Variants in SWAP70 observed in about 807,000 individuals in gnomAD.
SWAP70 encodes switching B cell complex subunit SWAP70, also known as switch-associated protein 70.
SWAP70 carries 34 observed loss-of-function variants against 80.2 expected under a neutral mutation model. That is an observed-to-expected ratio of 0.42 (90% CI 0.32 to 0.56). The LOEUF is 0.56. SWAP70 is among the 20% of genes least tolerant of loss of function. The pLI is 0.09. For synonymous variants in SWAP70, 239 were observed against 238.5 expected, an observed-to-expected ratio of 1.00 and a Z score of -0.02; for missense variants, 578 against 690.7, an observed-to-expected ratio of 0.84 and a Z score of 1.83.
intron 3 of SWAP70, among the ~76,000 whole-genome samples, chr11:9,716,496 C>T (rs1851067719): frequency 6.6e-6 from 1 of 152,190 alleles, no homozygotes; most frequent in Non-Finnish European, 1.5e-5. Flanking sequence ...TGACAAATTA[C>T]TCACTCTCTC....
chr11:9,738,921 A>G (rs360154), intron 8 of SWAP70, among the ~76,000 whole-genome samples: 2,100 of 152,268 alleles, frequency 0.014, 38 homozygotes, highest in African/African-American at 0.047. Context: ...TAGGGTGACT[A>G]TATTTCCTGG....
rs1851524347 is a variant in SWAP70 at position 9,747,301 on chromosome 11, G to A, written c.1356-557G>A. On this transcript the variant is annotated intron_variant, in intron 9 of 11. Transcript: ENST00000318950. ...TTAGCAATAATGGAGGCAAGGGCCT[G>A]GCATGTAGCAATTGTTCAATAAATA... Among the ~76,000 whole-genome samples, 4 of 152,328 alleles carry A rather than the reference G, an allele frequency of 2.6e-5. No homozygotes were observed. In the South Asian group the frequency reaches 8.3e-4, roughly 32 times the overall value.
chr11:9,725,566 TATA>T (rs1343418391), intron 4 of SWAP70, among the ~76,000 whole-genome samples: 161 of 14,384 alleles, frequency 0.011, 1 homozygote, highest in South Asian at 0.024. Context: ...TATATATATA[TATA>T]TTTTTTTTTT....
intron 2 of SWAP70, among the ~76,000 whole-genome samples, chr11:9,711,696 T>G (rs903020869): frequency 2.6e-5 from 4 of 152,212 alleles, no homozygotes; most frequent in Admixed American, 1.3e-4. Flanking sequence ...TTCACCAGAC[T>G]GTTCCCGTGA....
At chr11:9,684,144 C>T (rs572642448) in intron 1 of SWAP70, among the ~76,000 whole-genome samples, 2 of 152,180 alleles carry the variant, frequency 1.3e-5, no homozygotes, top group South Asian at 4.1e-4. Context: ...TGCAGTGGTG[C>T]TGTTATGGCT....
At chr11:9,748,189 A>G (rs145343015) in intron 10 of SWAP70, 133 bp downstream of exon 10, 9,791 of 938,018 alleles carry the variant, frequency 0.01, 81 homozygotes, top group Middle Eastern at 0.017. Flanking sequence ...AAGAAAAAAG[A>G]GGGAGTTTTT....
chr11:9,708,594 T>G (rs10840291), intron 2 of SWAP70, among the ~76,000 whole-genome samples: 50,388 of 152,056 alleles, frequency 0.33, 8,606 homozygotes, highest in Non-Finnish European at 0.36. Context: ...TGAAGCCCTT[T>G]GTGATTTGGT....
chr11:9,721,862 A>G (rs1851142562), intron 3 of SWAP70, among the ~76,000 whole-genome samples: 1 of 152,124 alleles, frequency 6.6e-6, no homozygotes, highest in African/African-American at 2.4e-5. Flanking sequence ...GTTATTTTAC[A>G]AAAAACATTA....
chr11:9,724,916 A>C, intron 4 of SWAP70, 31 bp downstream of exon 4: 3 of 1,374,726 alleles, frequency 2.2e-6, no homozygotes, highest in Non-Finnish European at 3.1e-6. Context: ...TTTTTTTCTC[A>C]TCTTTAGAAT....
chr11:9,694,659 A>G (rs1590020906), intron 2 of SWAP70, among the ~76,000 whole-genome samples: 1 of 152,350 alleles, frequency 6.6e-6, no homozygotes, highest in East Asian at 1.9e-4. Flanking sequence ...AAGGATATGA[A>G]CAGACACTTC....
intron 1 of SWAP70, among the ~76,000 whole-genome samples, chr11:9,674,989 A>T (rs1041673338): frequency 2.7e-5 from 4 of 150,528 alleles, no homozygotes; most frequent in Admixed American, 6.6e-5. Flanking sequence ...AAAAAATTTT[A>T]AATTTAAAAA....
chr11:9,693,412 A>G (rs1474688234), intron 1 of SWAP70, among the ~76,000 whole-genome samples: 1 of 152,248 alleles, frequency 6.6e-6, no homozygotes, highest in Non-Finnish European at 1.5e-5. Context: ...ATATGTATTT[A>G]TGCTATGGAA....
chr11:9,705,219 GTA>G (rs1283168183), intron 2 of SWAP70, among the ~76,000 whole-genome samples: 6 of 140,808 alleles, frequency 4.3e-5, no homozygotes, highest in South Asian at 2.3e-4. Flanking sequence ...CTGGTGATCT[GTA>G]TGCACTGGTG....
chr11:9,714,362 A>G (rs1157843788), intron 3 of SWAP70, among the ~76,000 whole-genome samples: 3 of 152,256 alleles, frequency 2.0e-5, no homozygotes, highest in Non-Finnish European at 2.9e-5. Flanking sequence ...AATAAAGCCA[A>G]TTACAATGTT....
intron 5 of SWAP70, among the ~76,000 whole-genome samples, chr11:9,729,107 A>G (rs1468514416): frequency 6.6e-6 from 1 of 152,180 alleles, no homozygotes; most frequent in Non-Finnish European, 1.5e-5. Context: ...AGGAAATCCC[A>G]ATGCATGGCA....
chr11:9,745,317 C>T lies in SWAP70; in HGVS notation c.1356-2541C>T, dbSNP rs368869484. ...AGAGTAATGCCTAGCATTTGGGAGTCACTCCGAGTGTGTTGCTTTCTGTTC... is the reference window on the plus strand; with the variant it reads ...AGAGTAATGCCTAGCATTTGGGAGTTACTCCGAGTGTGTTGCTTTCTGTTC... On this transcript the variant is annotated intron_variant, in intron 9 of 11. Coordinates refer to ENST00000318950, the MANE Select transcript of SWAP70 (RefSeq NM_015055.4). Among the ~76,000 whole-genome samples, 44 of 152,276 alleles carry T rather than the reference C, an allele frequency of 2.9e-4. No homozygotes were observed. The South Asian group carries it at 9.1e-3, about 32-fold the overall frequency.
At chr11:9,704,187 A>G (rs182446559) in intron 2 of SWAP70, among the ~76,000 whole-genome samples, 1 of 152,174 alleles carries the variant, frequency 6.6e-6, no homozygotes, top group East Asian at 1.9e-4. Context: ...TACTGTCTAT[A>G]TAGAGAGAGA....
intron 3 of SWAP70, among the ~76,000 whole-genome samples, chr11:9,714,103 A>G (rs896822220): frequency 6.6e-6 from 1 of 152,212 alleles, no homozygotes; most frequent in African/African-American, 2.4e-5. Flanking sequence ...AAGAAAGAGA[A>G]TGCTTGCTTT....
At position 9,694,149 on chromosome 11, in the gene SWAP70, C is replaced by T; in HGVS notation, c.103C>T (p.Leu35Phe). 1 of 1,589,884 alleles carries T rather than the reference C, an allele frequency of 6.3e-7. No homozygotes were observed. Among genetic ancestry groups the T allele is most frequent in the Non-Finnish European group, 8.5e-7 (1 of 1,169,678 alleles). Residue 35 changes from leucine (L) to phenylalanine (F), a missense_variant, in exon 2 of 12, where the codon CTT (leucine) becomes TTT (phenylalanine). Coordinates refer to ENST00000318950, the MANE Select transcript of SWAP70 (RefSeq NM_015055.4). ...ACGATTTTCTTTTCCCTTGCAGGTC[C>T]TTTCCCATAACCTGTGCACGGTGCT... Reference protein sequence around the residue: ...GKVSKSQLKVLSHNLCTVLKV... With the variant: ...GKVSKSQLKVFSHNLCTVLKV...
Sources: allele counts gnomAD v4.1 joint callset (sites outside exome capture counted in the v4.1 genomes callset), GRCh38; gene constraint gnomAD v4.1.1; transcripts MANE v1.5; gene names NCBI Gene and HGNC (gene_info 2026-07-23, HGNC 2026-07-21).